Variants in FRMPD4 observed in about 807,000 individuals in gnomAD.
FRMPD4 encodes FERM and PDZ domain-containing protein 4.
Under a neutral mutation model 94.1 loss-of-function variants are expected in FRMPD4, and 22 were observed. The observed-to-expected ratio is 0.23, with a 90% CI of 0.17 to 0.33. The LOEUF (loss-of-function observed/expected upper bound fraction) is 0.33, where lower values mean the gene tolerates loss of function less well. Among genes scored for constraint, FRMPD4 ranks in the 10% least tolerant of loss-of-function variants. The probability of loss-of-function intolerance (pLI) is 1.00; values close to 1 mark genes in which losing one functional copy is unlikely to be tolerated. For missense variants in FRMPD4, 1,111 were observed against 1,339.9 expected (o/e 0.83, Z 2.67); for synonymous variants, 631 against 548.6 (o/e 1.15, Z -2.10).
At chrX:12,083,509 C>T (rs1201231203) in intron 3 of FRMPD4, among the ~76,000 whole-genome samples, 1 of 112,745 alleles carries the variant, frequency 8.9e-6, no homozygotes. Context: ...GTCAGAGCCC[C>T]CAAACAGAGT....
chrX:12,007,467 C>G (rs1020007585), intron 3 of FRMPD4, among the ~76,000 whole-genome samples: 7 of 112,072 alleles, frequency 6.2e-5, no homozygotes, highest in African/African-American at 2.3e-4. Flanking sequence ...CATGGCTTCC[C>G]TAAGAGCCAT....
intron 3 of FRMPD4, among the ~76,000 whole-genome samples, chrX:12,039,314 C>T (rs1023656140): frequency 1.3e-4 from 14 of 109,520 alleles, no homozygotes; most frequent in Non-Finnish European, 2.7e-4. Flanking sequence ...TGCACAGCCC[C>T]TCTTTTCTAA....
intron 1 of FRMPD4, among the ~76,000 whole-genome samples, chrX:12,275,445 AC>A (rs1209397407): frequency 9.0e-6 from 1 of 111,147 alleles, no homozygotes; most frequent in African/African-American, 3.3e-5. Flanking sequence ...ATTTATAGCA[AC>A]ACAAGAACAA....
At chrX:12,176,304 C>G (rs1180878913) in intron 1 of FRMPD4, among the ~76,000 whole-genome samples, 1 of 111,717 alleles carries the variant, frequency 9.0e-6, no homozygotes, top group Admixed American at 9.5e-5. Context: ...TATAATTTCT[C>G]TCACTCAGCC....
chrX:12,087,075 A>G (rs1460724195), intron 3 of FRMPD4, among the ~76,000 whole-genome samples: 2 of 110,987 alleles, frequency 1.8e-5, no homozygotes, highest in Admixed American at 1.9e-4. Flanking sequence ...TCTCACTCCA[A>G]CCTGCTGAGA....
At chrX:12,440,322 G>A (rs1228975988) in intron 1 of FRMPD4, among the ~76,000 whole-genome samples, 1 of 111,764 alleles carries the variant, frequency 8.9e-6, no homozygotes, top group Non-Finnish European at 1.9e-5. Context: ...CTTGATTTGA[G>A]GATTTGTATT....
At chrX:12,607,268 CAAGCAT>C (rs1251593804) in intron 2 of FRMPD4, among the ~76,000 whole-genome samples, 1 of 111,669 alleles carries the variant, frequency 9.0e-6, no homozygotes, top group Non-Finnish European at 1.9e-5. Flanking sequence ...TCATCCATCC[CAAGCAT>C]ATACCATATC....
At chrX:11,976,099 T>C in intron 3 of FRMPD4, among the ~76,000 whole-genome samples, 1 of 111,769 alleles carries the variant, frequency 8.9e-6, no homozygotes, top group Non-Finnish European at 1.9e-5. Flanking sequence ...GATTTTCCTA[T>C]CCTTGGTGCT....
chrX:11,909,954 T>C (rs1193658562), intron 3 of FRMPD4, among the ~76,000 whole-genome samples: 10 of 111,853 alleles, frequency 8.9e-5, no homozygotes, highest in African/African-American at 2.9e-4. Flanking sequence ...AAATATGGTC[T>C]ATATTGATGA....
chrX:12,703,175 C>T (rs1393483751), intron 10 of FRMPD4, among the ~76,000 whole-genome samples: 1 of 112,427 alleles, frequency 8.9e-6, no homozygotes, highest in Non-Finnish European at 1.9e-5. Flanking sequence ...CTTTGACCAA[C>T]AAATATTCAT....
intron 1 of FRMPD4, among the ~76,000 whole-genome samples, chrX:12,270,802 G>T (rs1203123182): frequency 9.0e-6 from 1 of 111,468 alleles, no homozygotes; most frequent in Non-Finnish European, 1.9e-5. Flanking sequence ...TATTCTTATG[G>T]GTGAGATCTC....
At chrX:12,540,162 T>C (rs1277973743) in intron 2 of FRMPD4, among the ~76,000 whole-genome samples, 2 of 112,051 alleles carry the variant, frequency 1.8e-5, no homozygotes, top group Non-Finnish European at 3.8e-5. Flanking sequence ...CCATCGATGC[T>C]AGGAAGAAAC....
chrX:11,901,041 G>A (rs1458697653), intron 3 of FRMPD4, among the ~76,000 whole-genome samples: 2 of 111,155 alleles, frequency 1.8e-5, no homozygotes, highest in African/African-American at 3.3e-5. Flanking sequence ...AAGGTAATGT[G>A]GCCATATTTA....
intron 2 of FRMPD4, among the ~76,000 whole-genome samples, chrX:12,513,195 T>C (rs771702757): frequency 8.9e-6 from 1 of 112,566 alleles, no homozygotes; most frequent in Admixed American, 9.4e-5. Flanking sequence ...TAGTTTATTT[T>C]GCTGTGCAGA....
intron 3 of FRMPD4, among the ~76,000 whole-genome samples, chrX:11,887,216 C>T (rs1279986218): frequency 8.9e-6 from 1 of 112,032 alleles, no homozygotes; most frequent in Non-Finnish European, 1.9e-5. Flanking sequence ...CTTCTTGTTT[C>T]CTCTATCCAA....
At chrX:12,434,458 G>C (rs188126952) in intron 1 of FRMPD4, among the ~76,000 whole-genome samples, 130 of 112,036 alleles carry the variant, frequency 1.2e-3, no homozygotes, top group African/African-American at 3.9e-3. Flanking sequence ...AGGTCCTCCT[G>C]TCTGTGCCAG....
chrX:11,991,066 GT>G (rs751572614), intron 3 of FRMPD4, among the ~76,000 whole-genome samples: 1 of 111,934 alleles, frequency 8.9e-6, no homozygotes, highest in East Asian at 2.8e-4. Flanking sequence ...CTCCATAATG[GT>G]CATTTACTAA....
intron 3 of FRMPD4, among the ~76,000 whole-genome samples, chrX:11,894,149 T>C (rs760584175): frequency 3.6e-5 from 4 of 111,746 alleles, no homozygotes; most frequent in Admixed American, 2.8e-4. Context: ...ACTCTGAACA[T>C]TGGACTTGAT....
chrX:12,063,957 T>A (rs959587615), intron 3 of FRMPD4, among the ~76,000 whole-genome samples: 1 of 112,624 alleles, frequency 8.9e-6, no homozygotes, highest in Non-Finnish European at 1.9e-5. Context: ...GATAAAGACA[T>A]CTAAATTCCA....
Sources: gnomAD v4.1 joint callset for allele counts (sites outside exome capture counted in the v4.1 genomes callset) on GRCh38, gnomAD v4.1.1 for gene constraint, MANE v1.5 for transcripts, NCBI Gene and HGNC (gene_info 2026-07-23, HGNC 2026-07-21) for gene names.